RUNDC3B: variants seen among roughly 807,000 people sequenced by gnomAD.
The protein encoded by RUNDC3B is RUN domain containing 3B.
Under a neutral mutation model 58.4 loss-of-function variants are expected in RUNDC3B, and 33 were observed. The observed-to-expected ratio is 0.56, with a 90% CI of 0.43 to 0.75. The LOEUF is 0.75. Among genes scored for constraint, RUNDC3B ranks in the 30% least tolerant of loss-of-function variants. The pLI is 0.00. For synonymous variants in RUNDC3B, 193 were observed against 195.2 expected (o/e 0.99, Z 0.10); for missense variants, 501 against 535.7 (o/e 0.94, Z 0.64).
At chr7:87,651,621 C>T (rs1420111288) in intron 2 of RUNDC3B, among the ~76,000 whole-genome samples, 1 of 152,094 alleles carries the variant, frequency 6.6e-6, no homozygotes, top group East Asian at 1.9e-4. Flanking sequence ...GATATTTTCA[C>T]TTAAGTTTTT....
At chr7:87,700,690 G>A (rs1190030040) in intron 3 of RUNDC3B, 136 bp downstream of exon 3, 1 of 749,412 alleles carries the variant, frequency 1.3e-6, no homozygotes, top group Non-Finnish European at 2.1e-6. Context: ...GTTCTGTGAT[G>A]TTTCTACATT....
At chr7:87,630,691 T>C (rs1821125722) in intron 1 of RUNDC3B, among the ~76,000 whole-genome samples, 1 of 151,354 alleles carries the variant, frequency 6.6e-6, no homozygotes, top group South Asian at 2.1e-4. Flanking sequence ...GCTTAGTCTT[T>C]TTTTTTTTTT....
rs760764597 is a variant in RUNDC3B at position 87,777,891 on chromosome 7, G to T, written c.892G>T (p.Asp298Tyr). The change falls in exon 8 of 11, where the codon GAT becomes TAT. Residue 298 changes from aspartate (D) to tyrosine (Y), a missense_variant. By Grantham distance (160) the Asp-to-Tyr change is radical. Coordinates refer to ENST00000394654, the MANE Select transcript of RUNDC3B (RefSeq NM_001134405.2). ...ACTACTTCAAAGGATTGAAGATTCCGATCTGGCTCATAAACTGGAGAAGGA... is the reference window on the plus strand; with the variant it reads ...ACTACTTCAAAGGATTGAAGATTCCTATCTGGCTCATAAACTGGAGAAGGA... ...KILLQRIEDSDLAHKLEKEQL... is the reference protein window; with the variant it reads ...KILLQRIEDSYLAHKLEKEQL... The T allele has an allele frequency of 6.2e-7, 1 of 1,613,320 alleles. No homozygotes were observed. Among genetic ancestry groups the T allele is most frequent in the Non-Finnish European group, 8.5e-7 (1 of 1,179,552 alleles).
At chr7:87,746,639 T>C (rs1309921757) in intron 6 of RUNDC3B, among the ~76,000 whole-genome samples, 1 of 152,232 alleles carries the variant, frequency 6.6e-6, no homozygotes, top group African/African-American at 2.4e-5. Flanking sequence ...CTACTCCTGC[T>C]CACTTTTGGT....
chr7:87,760,485 C>A (rs1046187346), intron 6 of RUNDC3B, among the ~76,000 whole-genome samples: 1 of 151,752 alleles, frequency 6.6e-6, no homozygotes, highest in African/African-American at 2.4e-5. Context: ...CAAGCTAATC[C>A]CAAAATTTGT....
intron 8 of RUNDC3B, among the ~76,000 whole-genome samples, chr7:87,805,412 A>T (rs561169065): frequency 1.8e-4 from 28 of 152,300 alleles, no homozygotes; most frequent in African/African-American, 6.7e-4. Flanking sequence ...TGGGAAATAG[A>T]TGCTGTGTGG....
intron 2 of RUNDC3B, among the ~76,000 whole-genome samples, chr7:87,681,899 A>C (rs974949153): frequency 6.6e-6 from 1 of 152,140 alleles, no homozygotes; most frequent in African/African-American, 2.4e-5. Context: ...CCTTTCATGA[A>C]AGGTTTCTCT....
Position 87,777,943 on chromosome 7 carries a change from T to C in RUNDC3B, c.944T>C (p.Leu315Pro). 6.2e-7 allele frequency: 1 copy of C among 1,612,620 alleles called. No homozygotes were observed. The highest frequency in any genetic ancestry group is 8.5e-7 in the Non-Finnish European group (1 of 1,179,294). The change falls in exon 8 of 11, where the codon CTT becomes CCT. Residue 315 changes from leucine (L) to proline (P), a missense_variant. By Grantham distance (98) the Leu-to-Pro change is moderately conservative. Coordinates refer to ENST00000394654, the MANE Select transcript of RUNDC3B (RefSeq NM_001134405.2). Reference protein sequence around the residue: ...KEQLEYIIVELQDQLTVLKNN... With the variant: ...KEQLEYIIVEPQDQLTVLKNN... The stretch of plus-strand genomic sequence containing the variant: ...CAATTAGAATATATAATTGTGGAGC[T>C]TCAAGATCAGCTGTAAGTACAAGCC...
chr7:87,759,945 T>G (rs1300812620), intron 6 of RUNDC3B, among the ~76,000 whole-genome samples: 1 of 152,022 alleles, frequency 6.6e-6, no homozygotes, highest in African/African-American at 2.4e-5. Context: ...TTTAAAAAAT[T>G]TAAAAGTTCA....
At position 87,830,263 on chromosome 7, in the gene RUNDC3B, C is replaced by CT; in HGVS notation, c.*236dup. The CT allele has an allele frequency of 3.4e-6, 1 of 292,730 alleles. No homozygotes were observed. The highest frequency in any genetic ancestry group is 6.2e-6 in the Non-Finnish European group (1 of 161,354). The allele number at this position is 292,730 out of a possible 1,614,324, so 18.1% of individuals were successfully genotyped here. A position where few individuals can be genotyped will look rare whatever the true frequency, so the allele number is the denominator to read the frequency against. ...TTGAGAAAGTTCAAAATGGAATAGG[C>CT]TTTAAAAAAAAAAAAACTTTCAAAG... On this transcript the variant is annotated 3_prime_UTR_variant, in exon 11 of 11. Transcript: ENST00000394654.
At chr7:87,716,547 T>C (rs187952234) in intron 4 of RUNDC3B, among the ~76,000 whole-genome samples, 65 of 152,346 alleles carry the variant, frequency 4.3e-4, no homozygotes, top group Admixed American at 7.2e-4. Context: ...TATTTCTGTT[T>C]TATGTTTCTT....
At chr7:87,802,084 C>T (rs1053727601) in intron 8 of RUNDC3B, among the ~76,000 whole-genome samples, 3 of 152,082 alleles carry the variant, frequency 2.0e-5, no homozygotes, top group Non-Finnish European at 4.4e-5. Flanking sequence ...TTGTATTGCT[C>T]TGTACTTAGT....
At chr7:87,773,658 CTTGTT>C (rs10699526) in intron 7 of RUNDC3B, among the ~76,000 whole-genome samples, 6,334 of 147,248 alleles carry the variant, frequency 0.043, 165 homozygotes, top group Non-Finnish European at 0.06. Context: ...TTTGTCTTGT[CTTGTT>C]TTGTTTTGTT....
chr7:87,640,254 T>A (rs1471721458), intron 1 of RUNDC3B, among the ~76,000 whole-genome samples: 4 of 151,258 alleles, frequency 2.6e-5, no homozygotes, highest in Non-Finnish European at 5.9e-5. Context: ...ACAGTAGGTA[T>A]TTAGGAAATA....
chr7:87,683,512 ATTG>A (rs1260835846), intron 2 of RUNDC3B, among the ~76,000 whole-genome samples: 2 of 152,154 alleles, frequency 1.3e-5, no homozygotes, highest in East Asian at 3.9e-4. Context: ...TAATTTCAGT[ATTG>A]TTGTGTCTCA....
intron 8 of RUNDC3B, among the ~76,000 whole-genome samples, chr7:87,794,738 T>G (rs1179582441): frequency 6.6e-6 from 1 of 151,704 alleles, no homozygotes; most frequent in Non-Finnish European, 1.5e-5. Flanking sequence ...CAGATTATAC[T>G]ACAGAGCTAT....
At position 87,822,224 on chromosome 7, in the gene RUNDC3B, G is replaced by A. The variant is rs567134379; in HGVS notation, c.1225+5962G>A. Among the ~76,000 whole-genome samples, 515 of 152,124 alleles carry A rather than the reference G, an allele frequency of 3.4e-3. 3 individuals carry two copies. Among genetic ancestry groups the A allele is most frequent in the African/African-American group, 0.011 (454 of 41,482 alleles). ...AAAACAACCCCATCAAAAAGTGGGCGAAGGACATGAACAGACACTTCTCAA... is the reference window on the plus strand; with the variant it reads ...AAAACAACCCCATCAAAAAGTGGGCAAAGGACATGAACAGACACTTCTCAA... On this transcript the variant is annotated intron_variant, in intron 10 of 10. Coordinates refer to ENST00000394654, the MANE Select transcript of RUNDC3B (RefSeq NM_001134405.2).
chr7:87,772,977 T>C (rs1834363492), intron 7 of RUNDC3B, among the ~76,000 whole-genome samples: 2 of 150,998 alleles, frequency 1.3e-5, no homozygotes, highest in African/African-American at 5.0e-5. Context: ...ACATAGACAT[T>C]AAGGCAGAAA....
At chr7:87,778,115 G>A (rs2285649) in intron 8 of RUNDC3B, among the ~76,000 whole-genome samples, 160 bp downstream of exon 8, 22,071 of 152,048 alleles carry the variant, frequency 0.15, 2,549 homozygotes, top group African/African-American at 0.32. Context: ...TGTTATTACA[G>A]AAGTAATCCA....
Sources: allele counts gnomAD v4.1 joint callset (sites outside exome capture counted in the v4.1 genomes callset), GRCh38; gene constraint gnomAD v4.1.1; transcripts MANE v1.5; gene names NCBI Gene and HGNC (gene_info 2026-07-23, HGNC 2026-07-21).